The following KCNQ3 variants were observed in gnomAD, a reference collection of about 807,000 sequenced individuals.
KCNQ3 encodes potassium voltage-gated channel subfamily Q member 3.
In KCNQ3, 30 loss-of-function variants were observed where a neutral mutation model predicts 92.5. That is an observed-to-expected ratio of 0.32 (90% CI 0.24 to 0.44). KCNQ3 has a LOEUF of 0.44. Ranked by LOEUF, KCNQ3 falls within the 20% of genes least tolerant of loss-of-function variation. The pLI is 1.00. For synonymous variants in KCNQ3, 450 were observed against 468.8 expected (o/e 0.96, Z 0.52); for missense variants, 913 against 1,140.3 (o/e 0.80, Z 2.87).
At chr8:132,463,807 A>C (rs1822112116) in intron 1 of KCNQ3, among the ~76,000 whole-genome samples, 1 of 152,208 alleles carries the variant, frequency 6.6e-6, no homozygotes, top group Admixed American at 6.5e-5. Flanking sequence ...TTATTCAGTG[A>C]CATCATTTTT....
intron 1 of KCNQ3, among the ~76,000 whole-genome samples, chr8:132,372,785 C>T (rs1055177546): frequency 2.6e-4 from 28 of 108,186 alleles, no homozygotes; most frequent in African/African-American, 1.1e-3. Context: ...AAAAAAAAAA[C>T]GCTTAGAGCA....
intron 1 of KCNQ3, among the ~76,000 whole-genome samples, chr8:132,355,049 A>G (rs372128106): frequency 1.1e-4 from 17 of 151,804 alleles, no homozygotes; most frequent in African/African-American, 3.9e-4. Context: ...TCAGCAAAAA[A>G]CCTCTAGGGA....
intron 1 of KCNQ3, among the ~76,000 whole-genome samples, chr8:132,264,498 G>C (rs1363212595): frequency 6.6e-6 from 1 of 152,232 alleles, no homozygotes; most frequent in East Asian, 1.9e-4. Context: ...CCTATTGGGA[G>C]AATCAACAGG....
chr8:132,138,621 C>A (rs1825182301), intron 11 of KCNQ3, among the ~76,000 whole-genome samples: 1 of 152,214 alleles, frequency 6.6e-6, no homozygotes, highest in Non-Finnish European at 1.5e-5. Flanking sequence ...TAGATGAAAT[C>A]AAAGCCTCAC....
At chr8:132,301,679 C>G (rs1817220682) in intron 1 of KCNQ3, among the ~76,000 whole-genome samples, 1 of 151,966 alleles carries the variant, frequency 6.6e-6, no homozygotes, top group Non-Finnish European at 1.5e-5. Flanking sequence ...AAGATGATCC[C>G]CCAGATTCTG....
At chr8:132,373,335 C>T (rs945289047) in intron 1 of KCNQ3, among the ~76,000 whole-genome samples, 1 of 152,110 alleles carries the variant, frequency 6.6e-6, no homozygotes, top group South Asian at 2.1e-4. Context: ...ACACCTAACA[C>T]GCAGACCCAC....
At chr8:132,190,711 C>T (rs1827130428) in intron 1 of KCNQ3, among the ~76,000 whole-genome samples, 1 of 152,228 alleles carries the variant, frequency 6.6e-6, no homozygotes. Context: ...CCAGTTAAGC[C>T]ATGTTCATAC....
intron 1 of KCNQ3, among the ~76,000 whole-genome samples, chr8:132,340,886 G>T (rs80200098): frequency 0.013 from 2,029 of 152,318 alleles, 24 homozygotes; most frequent in Non-Finnish European, 0.022. Context: ...CGTACTGAGA[G>T]CTAGGAACTG....
intron 8 of KCNQ3, among the ~76,000 whole-genome samples, chr8:132,167,011 A>T (rs1826162304): frequency 6.6e-6 from 1 of 152,246 alleles, no homozygotes; most frequent in Non-Finnish European, 1.5e-5. Flanking sequence ...AAAGCCAAAA[A>T]GTGGAAACAA....
intron 1 of KCNQ3, among the ~76,000 whole-genome samples, chr8:132,274,489 T>A (rs1455749486): frequency 6.6e-6 from 1 of 152,232 alleles, no homozygotes; most frequent in Non-Finnish European, 1.5e-5. Context: ...TTTCTTTATA[T>A]GCTAAATGAG....
chr8:132,318,526 T>A (rs1363967279), intron 1 of KCNQ3, among the ~76,000 whole-genome samples: 1 of 152,256 alleles, frequency 6.6e-6, no homozygotes, highest in Non-Finnish European at 1.5e-5. Flanking sequence ...GGGCTTGTCA[T>A]GCAGTTACTA....
chr8:132,235,221 G>A (rs761814131), intron 1 of KCNQ3, among the ~76,000 whole-genome samples: 85 of 152,162 alleles, frequency 5.6e-4, no homozygotes, highest in Middle Eastern at 3.4e-3. Flanking sequence ...CTTCCTGGCC[G>A]GGCGCAGTGG....
intron 14 of KCNQ3, 81 bp downstream of exon 14, chr8:132,132,099 A>AT: frequency 2.1e-6 from 2 of 958,682 alleles, no homozygotes; most frequent in Non-Finnish European, 3.3e-6. Context: ...AAAAAAAAAA[A>AT]GAAAGAAAGA....
intron 1 of KCNQ3, among the ~76,000 whole-genome samples, chr8:132,373,022 T>C (rs1819516221): frequency 6.6e-6 from 1 of 152,086 alleles, no homozygotes; most frequent in Admixed American, 6.5e-5. Context: ...CTCACAGAAT[T>C]GCCATGGCCT....
chr8:132,355,950 T>G (rs16904671), intron 1 of KCNQ3, among the ~76,000 whole-genome samples: 3,088 of 152,174 alleles, frequency 0.02, 38 homozygotes, highest in Non-Finnish European at 0.027. Context: ...AAAAGGCAAA[T>G]GTCATCTTGA....
At chr8:132,240,392 G>A (rs1190793670) in intron 1 of KCNQ3, among the ~76,000 whole-genome samples, 1 of 152,068 alleles carries the variant, frequency 6.6e-6, no homozygotes, top group Non-Finnish European at 1.5e-5. Context: ...CTCCATGTTG[G>A]TCAGGGTGGT....
At chr8:132,295,871 CG>C (rs763615526) in intron 1 of KCNQ3, among the ~76,000 whole-genome samples, 38 of 151,686 alleles carry the variant, frequency 2.5e-4, no homozygotes, top group Non-Finnish European at 5.2e-4. Context: ...CAACATGCAT[CG>C]GGGCCTGTTG....
intron 1 of KCNQ3, among the ~76,000 whole-genome samples, chr8:132,460,277 A>ATG (rs768714316): frequency 3.1e-4 from 47 of 152,192 alleles, no homozygotes; most frequent in Non-Finnish European, 5.6e-4. Flanking sequence ...AAGGATATAT[A>ATG]TGTGTGTATA....
In KCNQ3 at chr8:132,184,367, C is replaced by G; in HGVS notation, c.478G>C (p.Glu160Gln). The change falls in exon 3 of 15, where the codon GAG becomes CAG. Residue 160 changes from glutamate to glutamine, a missense_variant and splice_region_variant. Transcript: ENST00000388996. ...CCAAAGATGAAAATAGCAAATGTCT[C>G]CTGCATGGAAGAGCATATGGAGAGG... ...TVSGDWLLLLETFAIFIFGAE... is the reference protein window; with the variant it reads ...TVSGDWLLLLQTFAIFIFGAE... The G allele has an allele frequency of 1.2e-6, 2 of 1,614,028 alleles. No individual in the cohort carries two copies. The highest frequency in any genetic ancestry group is 1.7e-6 in the Non-Finnish European group (2 of 1,179,998).
Sources: gnomAD v4.1 joint callset for allele counts (sites outside exome capture counted in the v4.1 genomes callset) on GRCh38, gnomAD v4.1.1 for gene constraint, MANE v1.5 for transcripts, NCBI Gene and HGNC (gene_info 2026-07-23, HGNC 2026-07-21) for gene names.